Variants in CACNA2D3 observed in about 807,000 individuals in gnomAD.
The protein encoded by CACNA2D3 is voltage-dependent calcium channel subunit alpha-2/delta-3.
CACNA2D3 carries 60 observed loss-of-function variants against 160.6 expected under a neutral mutation model. That is an observed-to-expected ratio of 0.37 (90% confidence interval 0.30 to 0.46). CACNA2D3 has a LOEUF of 0.46. Ranked by LOEUF, CACNA2D3 falls within the 20% of genes least tolerant of loss-of-function variation. The pLI, the probability that CACNA2D3 is intolerant of heterozygous loss-of-function variation, is 1.00. For missense variants in CACNA2D3, 1,205 were observed against 1,365.0 expected (o/e 0.88, Z 1.85); for synonymous variants, 558 against 492.9 (o/e 1.13, Z -1.75).
intron 4 of CACNA2D3, among the ~76,000 whole-genome samples, chr3:54,480,451 T>C (rs1250071373): frequency 1.3e-5 from 2 of 152,142 alleles, no homozygotes. Flanking sequence ...CTCCCCATAT[T>C]TTACTGTCTT....
intron 27 of CACNA2D3, chr3:54,901,340 C>T (rs1388185350): frequency 6.6e-6 from 1 of 152,186 alleles, no homozygotes; most frequent in Non-Finnish European, 1.5e-5. Flanking sequence ...GCCCTAAGGT[C>T]ACTGTGCCTG....
At chr3:54,949,026 G>A (rs1701688457) in intron 27 of CACNA2D3, among the ~76,000 whole-genome samples, 1 of 152,188 alleles carries the variant, frequency 6.6e-6, no homozygotes, top group South Asian at 2.1e-4. Context: ...TCAGTCTCTT[G>A]TTTTACTTTT....
chr3:54,533,397 C>T lies in CACNA2D3; in HGVS notation c.545-29403C>T, dbSNP rs554545234. Among the ~76,000 whole-genome samples, 4 of 140,478 alleles carry T rather than the reference C, an allele frequency of 2.8e-5. No individual in the cohort carries two copies. The South Asian group carries it at 6.8e-4, about 24-fold the overall frequency. The allele number at this position is 140,478 out of a possible 152,430, so 92.2% of individuals were successfully genotyped here. A position where few individuals can be genotyped will look rare whatever the true frequency, so the allele number is the denominator to read the frequency against. On this transcript the variant is annotated intron_variant, in intron 5 of 37. Coordinates refer to ENST00000474759, the MANE Select transcript of CACNA2D3 (RefSeq NM_018398.3). ...GTCACTCAGGTTGAGTGCAGTGGCACGATCCAGGCTCACTGCAACCTCCAT... is the reference window on the plus strand; with the variant it reads ...GTCACTCAGGTTGAGTGCAGTGGCATGATCCAGGCTCACTGCAACCTCCAT...
chr3:54,503,202 A>G (rs147189559), intron 4 of CACNA2D3, among the ~76,000 whole-genome samples: 273 of 152,352 alleles, frequency 1.8e-3, no homozygotes, highest in African/African-American at 5.9e-3. Flanking sequence ...AAATTTAAAG[A>G]ATTAAAATGT....
At chr3:54,383,480 T>TG (rs1378995959) in intron 3 of CACNA2D3, among the ~76,000 whole-genome samples, 1 of 152,204 alleles carries the variant, frequency 6.6e-6, no homozygotes, top group African/African-American at 2.4e-5. Flanking sequence ...AACCATTACT[T>TG]GTAGCTGCTG....
intron 4 of CACNA2D3, among the ~76,000 whole-genome samples, chr3:54,467,181 C>G (rs777345584): frequency 1.3e-5 from 2 of 152,126 alleles, no homozygotes; most frequent in Non-Finnish European, 2.9e-5. Flanking sequence ...AAAATAAGTT[C>G]AAAGCAAAGC....
At chr3:54,691,878 T>C (rs1700578155) in intron 11 of CACNA2D3, among the ~76,000 whole-genome samples, 1 of 139,958 alleles carries the variant, frequency 7.1e-6, no homozygotes, top group Non-Finnish European at 1.6e-5. Flanking sequence ...CAATTGTTCT[T>C]TATCTTTTAA....
chr3:54,469,989 C>T (rs1183458909), intron 4 of CACNA2D3, among the ~76,000 whole-genome samples: 1 of 152,090 alleles, frequency 6.6e-6, no homozygotes, highest in Admixed American at 6.6e-5. Context: ...AGAATGGAAC[C>T]AAGTTGGAAA....
At chr3:54,200,512 A>G (rs1431145734) in intron 2 of CACNA2D3, among the ~76,000 whole-genome samples, 1 of 152,238 alleles carries the variant, frequency 6.6e-6, no homozygotes, top group Non-Finnish European at 1.5e-5. Context: ...TTACCATCAA[A>G]TAAAATACAC....
At chr3:54,941,896 A>G (rs1233199298) in intron 27 of CACNA2D3, among the ~76,000 whole-genome samples, 2 of 152,168 alleles carry the variant, frequency 1.3e-5, no homozygotes, top group Non-Finnish European at 2.9e-5. Context: ...CTGTAGTAAA[A>G]ATGGAAACTG....
intron 2 of CACNA2D3, among the ~76,000 whole-genome samples, chr3:54,238,207 A>G (rs1292880725): frequency 6.6e-6 from 1 of 152,118 alleles, no homozygotes; most frequent in Non-Finnish European, 1.5e-5. Context: ...CACTGCCTCA[A>G]TGTATGTTTG....
At chr3:54,837,304 T>C in intron 15 of CACNA2D3, 74 bp downstream of exon 15, 1 of 1,181,760 alleles carries the variant, frequency 8.5e-7, no homozygotes, top group East Asian at 2.3e-5. Flanking sequence ...ACTCCAGCTC[T>C]GGTGACTTTT....
intron 13 of CACNA2D3, among the ~76,000 whole-genome samples, chr3:54,796,894 CGT>C (rs140193096): frequency 0.022 from 3,308 of 152,222 alleles, 98 homozygotes; most frequent in African/African-American, 0.074. Context: ...CACAGAGCTC[CGT>C]GTGAAGGCAT....
chr3:54,233,923 A>T (rs1297329754), intron 2 of CACNA2D3, among the ~76,000 whole-genome samples: 1 of 152,212 alleles, frequency 6.6e-6, no homozygotes, highest in Non-Finnish European at 1.5e-5. Flanking sequence ...AAAAAAATAT[A>T]TCCTGGAAGA....
intron 3 of CACNA2D3, among the ~76,000 whole-genome samples, chr3:54,364,550 A>G (rs1698796578): frequency 6.6e-6 from 1 of 152,206 alleles, no homozygotes; most frequent in Non-Finnish European, 1.5e-5. Flanking sequence ...TTTCCTCTTA[A>G]CACATGTAGG....
chr3:55,030,635 C>T (rs909529191), intron 35 of CACNA2D3, among the ~76,000 whole-genome samples: 2 of 152,088 alleles, frequency 1.3e-5, no homozygotes, highest in Non-Finnish European at 2.9e-5. Flanking sequence ...GGATTAAAAC[C>T]TCTGGTCAAT....
At chr3:54,757,478 G>T (rs1179464314) in intron 12 of CACNA2D3, among the ~76,000 whole-genome samples, 1 of 152,120 alleles carries the variant, frequency 6.6e-6, no homozygotes, top group Admixed American at 6.5e-5. Flanking sequence ...CATTTATGAG[G>T]CCGGAATGGT....
At position 54,344,054 on chromosome 3, in the gene CACNA2D3, G is replaced by A. The variant is rs186763096; in HGVS notation, c.321+23496G>A. On this transcript the variant is annotated intron_variant, in intron 3 of 37. Transcript: ENST00000474759. ...GGGACAGTTTAAAGGAAGTTTTTAC[G>A]AATTATTTTGCTGCAAATTATCTCA... is the stretch of plus-strand genomic sequence containing the variant. Among the ~76,000 whole-genome samples, 147 of 152,252 alleles carry A rather than the reference G, an allele frequency of 9.7e-4. 1 individual carries two copies. The highest frequency in any genetic ancestry group is 3.4e-3 in the African/African-American group (140 of 41,544).
intron 4 of CACNA2D3, among the ~76,000 whole-genome samples, chr3:54,429,418 A>G (rs1475123232): frequency 6.7e-6 from 1 of 149,504 alleles, no homozygotes; most frequent in Non-Finnish European, 1.5e-5. Flanking sequence ...TTCTCTCGTA[A>G]TTTTCAAATG....
Sources: gnomAD v4.1 joint callset for allele counts (sites outside exome capture counted in the v4.1 genomes callset) on GRCh38, gnomAD v4.1.1 for gene constraint, MANE v1.5 for transcripts, NCBI Gene and HGNC (gene_info 2026-07-23, HGNC 2026-07-21) for gene names.